The following DYNC1I1 variants were observed in gnomAD, a reference collection of about 807,000 sequenced individuals.
DYNC1I1 encodes dynein cytoplasmic 1 intermediate chain 1.
A neutral mutation model predicts 86.6 loss-of-function variants in DYNC1I1; 43 were observed. The ratio of observed to expected loss-of-function variants is 0.50; its 90% CI spans 0.39 to 0.64. DYNC1I1 has a LOEUF of 0.64. Ranked by LOEUF, DYNC1I1 falls within the 30% of genes least tolerant of loss-of-function variation. DYNC1I1 has a pLI of 0.00. For missense variants in DYNC1I1, 604 were observed against 788.8 expected (o/e 0.77, Z 2.81); for synonymous variants, 262 against 283.7 (o/e 0.92, Z 0.77).
At position 96,028,156 on chromosome 7, in the gene DYNC1I1, C is replaced by G; in HGVS notation, c.970-19C>G. Reference sequence around the variant, plus strand: ...CATTTCACATTGCATCTCTCTCTCTCTCTCCTTTTCCCTGACAGTCCTCTG... The same window carrying G: ...CATTTCACATTGCATCTCTCTCTCTGTCTCCTTTTCCCTGACAGTCCTCTG... On this transcript the variant is annotated intron_variant, in intron 10 of 16. Transcript: ENST00000447467. The G allele has an allele frequency of 6.2e-7, 1 of 1,612,448 alleles. No individual in the cohort carries two copies. The highest frequency in any genetic ancestry group is 1.1e-5 in the South Asian group (1 of 90,924).
intron 14 of DYNC1I1, among the ~76,000 whole-genome samples, chr7:96,053,685 T>A (rs1020623256): frequency 3.3e-5 from 5 of 152,238 alleles, no homozygotes; most frequent in Non-Finnish European, 5.9e-5. Context: ...ATTTTAATAT[T>A]TCTTTTATGA....
intron 10 of DYNC1I1, among the ~76,000 whole-genome samples, chr7:96,001,527 G>A (rs1794011742): frequency 6.6e-6 from 1 of 152,216 alleles, no homozygotes; most frequent in Admixed American, 6.5e-5. Context: ...TTTGGAGTCT[G>A]AGAAGTCCAC....
At chr7:96,023,981 T>C (rs369387504) in intron 10 of DYNC1I1, among the ~76,000 whole-genome samples, 47 of 152,242 alleles carry the variant, frequency 3.1e-4, no homozygotes, top group African/African-American at 1.1e-3. Flanking sequence ...CTCTTAGAAA[T>C]TGTGGTTCCT....
At chr7:95,829,223 G>T (rs557751058) in intron 5 of DYNC1I1, among the ~76,000 whole-genome samples, 1 of 152,202 alleles carries the variant, frequency 6.6e-6, no homozygotes, top group African/African-American at 2.4e-5. Context: ...ATAAAAGGAG[G>T]TTGAAGGGCT....
At chr7:96,070,594 T>G (rs1790130436) in intron 14 of DYNC1I1, among the ~76,000 whole-genome samples, 1 of 152,160 alleles carries the variant, frequency 6.6e-6, no homozygotes, top group South Asian at 2.1e-4. Flanking sequence ...ATTTTACTGT[T>G]ACTTTATGCC....
intron 6 of DYNC1I1, among the ~76,000 whole-genome samples, chr7:95,919,411 CACAA>C (rs1305803941): frequency 1.3e-5 from 2 of 152,158 alleles, no homozygotes; most frequent in African/African-American, 2.4e-5. Flanking sequence ...AGATTAATTT[CACAA>C]ACAGAGTTAA....
chr7:96,102,795 C>T (rs530757739), downstream of DYNC1I1, among the ~76,000 whole-genome samples: 1 of 152,076 alleles, frequency 6.6e-6, no homozygotes, highest in South Asian at 2.1e-4. Context: ...ATAGTAGTGG[C>T]CCATGGGATT....
rs200677000 is a variant in DYNC1I1, at chr7:96,049,257, C to CAAA, written c.1509+9857_1509+9859dup. Among the ~76,000 whole-genome samples, 49 of 76,006 alleles carry CAAA rather than the reference C, an allele frequency of 6.4e-4. 1 individual carries two copies. The highest frequency in any genetic ancestry group is 2.2e-3 in the African/African-American group (46 of 20,556). The allele number at this position is 76,006 out of a possible 152,430, so 49.9% of individuals were successfully genotyped here. ...TGGGTGACAGAGCAAGACTCCATCT[C>CAAA]AAAAAAAAAAAAAAAAAAAAAAATT... On this transcript the variant is annotated intron_variant, in intron 14 of 16. Coordinates refer to ENST00000447467, the MANE Select transcript of DYNC1I1 (RefSeq NM_001135556.2).
intron 10 of DYNC1I1, among the ~76,000 whole-genome samples, chr7:96,002,572 A>G (rs78815197): frequency 0.019 from 2,823 of 152,288 alleles, 105 homozygotes; most frequent in African/African-American, 0.064. Context: ...GTACCCAGTG[A>G]GTGTCAGCAA....
intron 7 of DYNC1I1, among the ~76,000 whole-genome samples, chr7:95,981,031 A>G (rs1018175943): frequency 1.3e-5 from 2 of 152,022 alleles, no homozygotes; most frequent in Non-Finnish European, 2.9e-5. Flanking sequence ...TCTCTTAGAG[A>G]TCCTTGAAAA....
At chr7:95,900,771 T>G (rs1232028677) in intron 6 of DYNC1I1, among the ~76,000 whole-genome samples, 3 of 152,148 alleles carry the variant, frequency 2.0e-5, no homozygotes, top group African/African-American at 7.2e-5. Flanking sequence ...CTAGCACAAA[T>G]GGAATAAAAA....
At chr7:96,104,408 A>C (rs927784749) in intron 16 of DYNC1I1, among the ~76,000 whole-genome samples, 14 of 152,076 alleles carry the variant, frequency 9.2e-5, no homozygotes, top group African/African-American at 3.4e-4. Flanking sequence ...TATGTTTTAT[A>C]CTTAGTATTG....
intron 6 of DYNC1I1, among the ~76,000 whole-genome samples, chr7:95,964,353 G>C (rs920525820): frequency 6.6e-6 from 1 of 152,218 alleles, no homozygotes. Context: ...TGACAAAGTT[G>C]GTGGTGGGCA....
chr7:95,832,835 A>C (rs982295504), intron 5 of DYNC1I1, among the ~76,000 whole-genome samples: 14 of 151,850 alleles, frequency 9.2e-5, no homozygotes, highest in Admixed American at 2.0e-4. Flanking sequence ...TTTCTTGTAC[A>C]TTTGTTTGAG....
At chr7:96,085,335 G>A (rs1439497734) in intron 16 of DYNC1I1, among the ~76,000 whole-genome samples, 1 of 152,112 alleles carries the variant, frequency 6.6e-6, no homozygotes, top group Non-Finnish European at 1.5e-5. Context: ...TGAGCTCACT[G>A]AAATCACCAG....
chr7:95,926,615 C>T (rs370726486), intron 6 of DYNC1I1, among the ~76,000 whole-genome samples: 8 of 152,022 alleles, frequency 5.3e-5, no homozygotes, highest in African/African-American at 1.9e-4. Context: ...GACAGTTTTC[C>T]GAAACTGTTT....
At chr7:95,808,606 T>C (rs953104412) in intron 2 of DYNC1I1, among the ~76,000 whole-genome samples, 23 of 152,204 alleles carry the variant, frequency 1.5e-4, no homozygotes, top group Non-Finnish European at 3.1e-4. Flanking sequence ...CTTGGCTTCC[T>C]GCCGAATTGC....
chr7:95,944,105 A>T (rs1792322946), intron 6 of DYNC1I1, among the ~76,000 whole-genome samples: 1 of 152,252 alleles, frequency 6.6e-6, no homozygotes, highest in Non-Finnish European at 1.5e-5. Flanking sequence ...AAATTGGAGA[A>T]AATTTTTGCA....
At chr7:95,986,311 C>T (rs995744375) in intron 8 of DYNC1I1, among the ~76,000 whole-genome samples, 5 of 152,106 alleles carry the variant, frequency 3.3e-5, no homozygotes, top group Admixed American at 2.0e-4. Flanking sequence ...ATGCAGATCC[C>T]GTAGTTCCTG....
Sources: gnomAD v4.1 joint callset for allele counts (sites outside exome capture counted in the v4.1 genomes callset) on GRCh38, gnomAD v4.1.1 for gene constraint, MANE v1.5 for transcripts, NCBI Gene and HGNC (gene_info 2026-07-23, HGNC 2026-07-21) for gene names.